Variants in CCBE1 observed in about 807,000 individuals in gnomAD.
CCBE1 encodes collagen and calcium-binding EGF domain-containing protein 1.
Under a neutral mutation model 50.0 loss-of-function variants are expected in CCBE1, and 37 were observed. The ratio of observed to expected loss-of-function variants is 0.74; its 90% CI spans 0.57 to 0.97. The LOEUF is 0.97. Ranked by LOEUF, CCBE1 falls within the 50% of genes least tolerant of loss-of-function variation. The pLI, the probability that CCBE1 is intolerant of heterozygous loss-of-function variation, is 0.00. For synonymous variants in CCBE1, 234 were observed against 203.7 expected, an observed-to-expected ratio of 1.15 and a Z score of -1.27; for missense variants, 538 against 523.8, an observed-to-expected ratio of 1.03 and a Z score of -0.26.
rs557472940 is a variant in CCBE1, at chr18:59,596,267, A to G, written c.212+100362T>C. On this transcript the variant is annotated intron_variant, in intron 2 of 10. Transcript: ENST00000439986. ...AAAGCTGCTTGGACGTAAAGTACCA[A>G]TGTCAGGGTCCACTCACCCTGACCC... 2.0e-5 allele frequency among the ~76,000 whole-genome samples: 3 copies of G among 152,292 alleles called. No homozygotes were observed. The East Asian group carries it at 5.8e-4, about 29-fold the overall frequency.
chr18:59,579,022 C>T (rs992765137), intron 2 of CCBE1, among the ~76,000 whole-genome samples: 2 of 152,068 alleles, frequency 1.3e-5, no homozygotes, highest in African/African-American at 4.8e-5. Context: ...AACATAGATG[C>T]TTGTCAAATT....
At chr18:59,615,258 A>C (rs1164432920) in intron 2 of CCBE1, among the ~76,000 whole-genome samples, 1 of 152,196 alleles carries the variant, frequency 6.6e-6, no homozygotes, top group African/African-American at 2.4e-5. Flanking sequence ...GTTTCCTACC[A>C]TCTCTAGGGT....
chr18:59,557,791 A>C (rs2052675476), intron 2 of CCBE1, among the ~76,000 whole-genome samples: 2 of 152,098 alleles, frequency 1.3e-5, no homozygotes, highest in African/African-American at 4.8e-5. Flanking sequence ...TTTTCAATAA[A>C]TCTATGCTTT....
chr18:59,527,407 T>C lies in CCBE1; in HGVS notation c.213-47169A>G, dbSNP rs1306886144. ...CATGTGTCTTTGCACAGGAGATGGATCTCTTGAACACAGCACACTAATGGG... is the reference window on the plus strand; with the variant it reads ...CATGTGTCTTTGCACAGGAGATGGACCTCTTGAACACAGCACACTAATGGG... On this transcript the variant is annotated intron_variant, in intron 2 of 10. Coordinates refer to ENST00000439986, the MANE Select transcript of CCBE1 (RefSeq NM_133459.4). 2.0e-5 allele frequency among the ~76,000 whole-genome samples: 3 copies of C among 152,198 alleles called. No homozygotes were observed. In the South Asian group the frequency reaches 6.2e-4, roughly 32 times the overall value.
intron 2 of CCBE1, among the ~76,000 whole-genome samples, chr18:59,681,092 A>G (rs947412672): frequency 3.3e-5 from 5 of 152,184 alleles, no homozygotes; most frequent in African/African-American, 9.6e-5. Context: ...ATCTTTTTAA[A>G]CATATATAGC....
intron 2 of CCBE1, among the ~76,000 whole-genome samples, chr18:59,673,227 A>C (rs982320153): frequency 6.6e-6 from 1 of 152,134 alleles, no homozygotes; most frequent in Non-Finnish European, 1.5e-5. Flanking sequence ...AAGGAGGGTG[A>C]ATGACTTGAG....
intron 2 of CCBE1, among the ~76,000 whole-genome samples, chr18:59,623,844 TA>T (rs1244167934): frequency 1.3e-5 from 2 of 152,062 alleles, no homozygotes; most frequent in African/African-American, 4.8e-5. Context: ...GGTTTTGCAA[TA>T]AAAAAACACA....
At chr18:59,473,666 C>T (rs925822497) in intron 3 of CCBE1, among the ~76,000 whole-genome samples, 9 of 133,012 alleles carry the variant, frequency 6.8e-5, no homozygotes, top group South Asian at 2.6e-4. Context: ...CCACTATTTC[C>T]GCCCTCCACT....
intron 2 of CCBE1, among the ~76,000 whole-genome samples, chr18:59,486,901 T>C (rs968442828): frequency 2.6e-5 from 4 of 151,856 alleles, no homozygotes; most frequent in African/African-American, 4.8e-5. Context: ...ACGTGTAAGC[T>C]TGTTATTACC....
chr18:59,544,901 G>A (rs2144394846), intron 2 of CCBE1, among the ~76,000 whole-genome samples: 1 of 152,288 alleles, frequency 6.6e-6, no homozygotes, highest in South Asian at 2.1e-4. Context: ...ACAATATCAG[G>A]TAGAGTCCTG....
chr18:59,678,249 A>G (rs952469946), intron 2 of CCBE1, among the ~76,000 whole-genome samples: 3 of 152,228 alleles, frequency 2.0e-5, no homozygotes, highest in Admixed American at 6.5e-5. Flanking sequence ...AATAAGCCAG[A>G]AAGTTAGAAA....
intron 2 of CCBE1, among the ~76,000 whole-genome samples, chr18:59,687,607 A>G (rs2054673460): frequency 6.6e-6 from 1 of 152,144 alleles, no homozygotes; most frequent in Non-Finnish European, 1.5e-5. Context: ...AGCCATCACT[A>G]TTTAGGAGTC....
rs376156676 is a variant in CCBE1, at chr18:59,466,755, T to C, written c.537A>G (p.Lys179=). The part of the protein sequence containing the change: ...DDGKTCTRGD[K]YPNDTGHEKS... ...CCTACTTACCAGTGTCATTGGGATA[T>C]TTGTCTCCCCTGGTACATGTCTTCC... Residue 179 remains lysine, a synonymous_variant, in exon 5 of 11, where the codon AAA becomes AAG. Transcript: ENST00000439986. 28 of 1,613,044 alleles carry C rather than the reference T, an allele frequency of 1.7e-5. No homozygotes were observed. Among genetic ancestry groups the C allele is most frequent in the Middle Eastern group, 3.5e-4 (2 of 5,732 alleles).
At chr18:59,632,952 A>G (rs1361943025) in intron 2 of CCBE1, among the ~76,000 whole-genome samples, 1 of 152,136 alleles carries the variant, frequency 6.6e-6, no homozygotes, top group Non-Finnish European at 1.5e-5. Flanking sequence ...GAGTAGACCA[A>G]GGGGAGGACC....
At chr18:59,502,061 CA>C (rs759806043) in intron 2 of CCBE1, among the ~76,000 whole-genome samples, 58 of 152,158 alleles carry the variant, frequency 3.8e-4, no homozygotes, top group Non-Finnish European at 5.0e-4. Context: ...GGCCTCCCAC[CA>C]AGTGCTGGGA....
chr18:59,617,814 G>A (rs922782600), intron 2 of CCBE1, among the ~76,000 whole-genome samples: 5 of 152,156 alleles, frequency 3.3e-5, no homozygotes, highest in Non-Finnish European at 1.5e-5. Flanking sequence ...GCTTATCACA[G>A]GCCTCCACCT....
rs1243075655 is a variant in CCBE1, at chr18:59,431,691, A to G, written c.*4217T>C. 6.6e-6 allele frequency: 1 copy of G among 152,250 alleles called. No individual in the cohort carries two copies. Among genetic ancestry groups the G allele is most frequent in the African/African-American group, 2.4e-5 (1 of 41,452 alleles). 9.4% of individuals were successfully genotyped at this position (152,250 alleles called of 1,614,324 possible). A position where few individuals can be genotyped will look rare whatever the true frequency, so the allele number is the denominator to read the frequency against. ...GCTCTTCGCTGGTATTTGGTGGGGT[A>G]ATACTCACCTTTCCTTCCTTCCAAA... is the stretch of plus-strand genomic sequence containing the variant. On this transcript the variant is annotated 3_prime_UTR_variant, in exon 11 of 11. Transcript: ENST00000439986.
intron 2 of CCBE1, among the ~76,000 whole-genome samples, chr18:59,633,471 A>G (rs2053876576): frequency 6.6e-6 from 1 of 152,222 alleles, no homozygotes; most frequent in South Asian, 2.1e-4. Context: ...CAACAGCATT[A>G]GTTCTTCCTC....
chr18:59,585,194 T>G (rs2053160474), intron 2 of CCBE1, among the ~76,000 whole-genome samples: 1 of 148,580 alleles, frequency 6.7e-6, no homozygotes, highest in Non-Finnish European at 1.5e-5. Context: ...TCAGATCTCG[T>G]AAGTGTCATC....
Sources: allele counts gnomAD v4.1 joint callset (sites outside exome capture counted in the v4.1 genomes callset), GRCh38; gene constraint gnomAD v4.1.1; transcripts MANE v1.5; gene names NCBI Gene and HGNC (gene_info 2026-07-23, HGNC 2026-07-21).